ITPR1: variants seen among roughly 807,000 people sequenced by gnomAD.
ITPR1 encodes inositol 1,4,5-trisphosphate receptor type 1, also known as inositol 1,4,5-trisphosphate-gated calcium channel ITPR1.
Under a neutral mutation model 318.4 loss-of-function variants are expected in ITPR1, and 96 were observed. That is an observed-to-expected ratio of 0.30 (90% CI 0.26 to 0.36). ITPR1 has a LOEUF of 0.36. Ranked by LOEUF, ITPR1 falls within the 10% of genes least tolerant of loss-of-function variation. The probability of loss-of-function intolerance (pLI) is 1.00; values close to 1 mark genes in which losing one functional copy is unlikely to be tolerated. For missense variants in ITPR1, 2,440 were observed against 3,460.2 expected (o/e 0.71, Z 7.40); for synonymous variants, 1,312 against 1,289.9 (o/e 1.02, Z -0.37).
At chr3:4,544,109 A>G (rs372171816) in intron 4 of ITPR1, among the ~76,000 whole-genome samples, 60 of 152,260 alleles carry the variant, frequency 3.9e-4, no homozygotes, top group African/African-American at 1.2e-3. Flanking sequence ...TTATTTCATT[A>G]GTCAAAATTG....
chr3:4,825,235 T>C (rs1179045789), intron 60 of ITPR1, among the ~76,000 whole-genome samples: 1 of 152,224 alleles, frequency 6.6e-6, no homozygotes, highest in African/African-American at 2.4e-5. Flanking sequence ...TTTTCCAGTT[T>C]GTTCCATTAC....
At chr3:4,675,482 T>G (rs1229950264) in intron 23 of ITPR1, among the ~76,000 whole-genome samples, 2 of 152,240 alleles carry the variant, frequency 1.3e-5, no homozygotes, top group African/African-American at 4.8e-5. Context: ...GAATTTTATT[T>G]TGTATTTATG....
chr3:4,613,636 C>T (rs1017854601), intron 4 of ITPR1, among the ~76,000 whole-genome samples: 3 of 152,150 alleles, frequency 2.0e-5, no homozygotes, highest in Non-Finnish European at 4.4e-5. Context: ...AGCCTCCAAC[C>T]TCCAAACCCT....
chr3:4,790,815 T>C (rs1355760569), intron 52 of ITPR1, among the ~76,000 whole-genome samples: 1 of 152,272 alleles, frequency 6.6e-6, no homozygotes, highest in Non-Finnish European at 1.5e-5. Context: ...GCAATTGCTC[T>C]GAGCTTCATA....
intron 54 of ITPR1, among the ~76,000 whole-genome samples, chr3:4,800,842 T>C (rs1242035382): frequency 6.6e-6 from 1 of 152,216 alleles, no homozygotes; most frequent in East Asian, 1.9e-4. Context: ...TTAGGGACTA[T>C]CCCTGTCAGG....
intron 16 of ITPR1, among the ~76,000 whole-genome samples, chr3:4,664,623 A>G (rs1001525105): frequency 8.5e-5 from 13 of 152,244 alleles, no homozygotes; most frequent in African/African-American, 2.7e-4. Flanking sequence ...CTTAATGCCC[A>G]TGCTCATTTG....
At chr3:4,705,377 C>T (rs995436633) in intron 36 of ITPR1, among the ~76,000 whole-genome samples, 1 of 152,224 alleles carries the variant, frequency 6.6e-6, no homozygotes, top group Non-Finnish European at 1.5e-5. Context: ...AGGAAACTGA[C>T]ACTGGTACAG....
chr3:4,660,748 T>A (rs2093814654), intron 13 of ITPR1, among the ~76,000 whole-genome samples: 1 of 152,232 alleles, frequency 6.6e-6, no homozygotes, highest in African/African-American at 2.4e-5. Context: ...GAGTATGATC[T>A]TATATTTAGA....
At chr3:4,496,174 G>A (rs569966397) in intron 2 of ITPR1, among the ~76,000 whole-genome samples, 9 of 152,314 alleles carry the variant, frequency 5.9e-5, no homozygotes, top group Admixed American at 2.0e-4. Flanking sequence ...AGGATCAGGC[G>A]TTTCCCCATC....
chr3:4,502,446 C>CTT (rs889373862), intron 2 of ITPR1, among the ~76,000 whole-genome samples: 99 of 145,798 alleles, frequency 6.8e-4, no homozygotes, highest in African/African-American at 2.4e-3. Flanking sequence ...CCCCTCTCTC[C>CTT]TTTTTTTTTT....
rs2049174888 is a variant in ITPR1 at position 4,814,692 on chromosome 3, G to A, written c.7701+130G>A. On this transcript the variant is annotated intron_variant, in intron 58 of 61. Coordinates refer to ENST00000649015, the MANE Select transcript of ITPR1 (RefSeq NM_001378452.1). The stretch of plus-strand genomic sequence containing the variant: ...GCTGGGAGTAGGGCTGAGTAGCTGC[G>A]GAACTAGCTCATCAGGCTCCTTTCC... 1.1e-5 allele frequency: 9 copies of A among 802,894 alleles called. No homozygotes were observed. The East Asian group carries it at 2.1e-4, about 19-fold the overall frequency. 49.7% of individuals were successfully genotyped at this position (802,894 alleles called of 1,614,324 possible). A position where few individuals can be genotyped will look rare whatever the true frequency, so the allele number is the denominator to read the frequency against.
chr3:4,672,147 G>C (rs1253005166), intron 20 of ITPR1, among the ~76,000 whole-genome samples: 3 of 152,154 alleles, frequency 2.0e-5, no homozygotes, highest in African/African-American at 4.8e-5. Flanking sequence ...AAATTTTTCT[G>C]AGTATATGTA....
chr3:4,810,522 A>G (rs910286054), intron 55 of ITPR1, among the ~76,000 whole-genome samples: 1 of 152,224 alleles, frequency 6.6e-6, no homozygotes, highest in Non-Finnish European at 1.5e-5. Context: ...TACCCTCGCA[A>G]TGTTAACGTC....
chr3:4,620,848 C>G (rs2092601984), intron 4 of ITPR1, among the ~76,000 whole-genome samples: 1 of 152,178 alleles, frequency 6.6e-6, no homozygotes, highest in South Asian at 2.1e-4. Flanking sequence ...AGATGTATAG[C>G]TACAGTGGAT....
chr3:4,494,017 C>A (rs79358422), intron 1 of ITPR1, among the ~76,000 whole-genome samples: 1 of 151,428 alleles, frequency 6.6e-6, no homozygotes. Flanking sequence ...TGTGTAGGGG[C>A]CCCCCGTGGG....
chr3:4,778,204 C>T (rs1196047433), intron 48 of ITPR1, among the ~76,000 whole-genome samples: 1 of 152,208 alleles, frequency 6.6e-6, no homozygotes, highest in Non-Finnish European at 1.5e-5. Context: ...CTGAGAATCC[C>T]ATGATTCAGT....
intron 60 of ITPR1, chr3:4,831,010 C>A (rs548489562): frequency 4.4e-6 from 2 of 456,538 alleles, no homozygotes; most frequent in South Asian, 3.1e-5. Flanking sequence ...ACAGCCTCTT[C>A]TTTTGAACCT....
At chr3:4,557,386 C>CG (rs2086234873) in intron 4 of ITPR1, among the ~76,000 whole-genome samples, 1 of 152,152 alleles carries the variant, frequency 6.6e-6, no homozygotes, top group Non-Finnish European at 1.5e-5. Context: ...AATTACCTCC[C>CG]GCCAGGTCCC....
chr3:4,711,969 G>C, intron 39 of ITPR1, 101 bp downstream of exon 39: 1 of 528,732 alleles, frequency 1.9e-6, no homozygotes, highest in Non-Finnish European at 3.4e-6. Context: ...TGACTGAGGG[G>C]CTAGCTTTTT....
Sources: gnomAD v4.1 joint callset for allele counts (sites outside exome capture counted in the v4.1 genomes callset) on GRCh38, gnomAD v4.1.1 for gene constraint, MANE v1.5 for transcripts, NCBI Gene and HGNC (gene_info 2026-07-23, HGNC 2026-07-21) for gene names.